IL4I1: variants seen among roughly 807,000 people sequenced by gnomAD.
IL4I1 encodes the protein L-amino-acid oxidase.
IL4I1 carries 24 observed loss-of-function variants against 29.7 expected under a neutral mutation model. The observed-to-expected ratio is 0.81, with a 90% CI of 0.59 to 1.14. The LOEUF is 1.14. Ranked by LOEUF, IL4I1 falls within the 50% of genes most tolerant of loss-of-function variation. The probability of loss-of-function intolerance (pLI) is 0.00; values close to 1 mark genes in which losing one functional copy is unlikely to be tolerated. For synonymous variants in IL4I1, 371 were observed against 352.5 expected (o/e 1.05, Z -0.59); for missense variants, 686 against 785.6 (o/e 0.87, Z 1.52).
intron 2 of IL4I1, among the ~76,000 whole-genome samples, chr19:49,912,580 A>G (rs2122636483): frequency 6.6e-6 from 1 of 151,408 alleles, no homozygotes; most frequent in East Asian, 2.0e-4. Flanking sequence ...CAGTTTAGAT[A>G]TGGCCAGGTG....
upstream of IL4I1, among the ~76,000 whole-genome samples, chr19:49,899,552 T>G (rs2075251801): frequency 6.7e-6 from 1 of 148,882 alleles, no homozygotes; most frequent in Admixed American, 6.6e-5. Context: ...ACCTGTTTTT[T>G]GTTTTTTTTG....
chr19:49,904,435 G>T (rs1248254704), intron 2 of IL4I1: 1 of 151,876 alleles, frequency 6.6e-6, no homozygotes, highest in African/African-American at 2.4e-5. Context: ...GAGGCCTGTT[G>T]GGACCATTTC....
chr19:49,910,714 G>C (rs1269878905), intron 2 of IL4I1, among the ~76,000 whole-genome samples: 1 of 148,382 alleles, frequency 6.7e-6, no homozygotes, highest in Non-Finnish European at 1.5e-5. Flanking sequence ...ACCAGAGATG[G>C]GTGGGGGTGG....
chr19:49,926,837 A>G (rs546145065), intron 2 of IL4I1, among the ~76,000 whole-genome samples: 2 of 148,634 alleles, frequency 1.3e-5, no homozygotes, highest in African/African-American at 5.0e-5. Flanking sequence ...TCCTTGTAAC[A>G]GCCCTAAGAA....
chr19:49,891,187 G>A, intron 6 of IL4I1, 80 bp from the exon 7 acceptor site: 3 of 1,557,694 alleles, frequency 1.9e-6, no homozygotes, highest in South Asian at 1.2e-5. Flanking sequence ...TGGGCCTCCT[G>A]GTCCCATGAC....
intron 3 of IL4I1, 32 bp downstream of exon 3, chr19:49,895,783 A>T: frequency 7.4e-7 from 1 of 1,359,184 alleles, no homozygotes; most frequent in Non-Finnish European, 9.9e-7. Context: ...AGCAGGAGGG[A>T]CTCCAGGTAG....
chr19:49,926,856 T>C (rs1308800467), intron 2 of IL4I1, among the ~76,000 whole-genome samples: 1 of 7,990 alleles, frequency 1.3e-4, no homozygotes. Flanking sequence ...AAGTAGGTAC[T>C]TTTTTTTTTT....
At chr19:49,894,777 G>A (rs2075183617) in intron 4 of IL4I1, among the ~76,000 whole-genome samples, 1 of 151,952 alleles carries the variant, frequency 6.6e-6, no homozygotes, top group Admixed American at 6.6e-5. Context: ...TGGGGCTGGG[G>A]TGCCTGAGGG....
chr19:49,921,631 G>A lies in IL4I1; in HGVS notation c.-228+6063C>T, dbSNP rs954030561. 9.2e-5 allele frequency among the ~76,000 whole-genome samples: 14 copies of A among 152,202 alleles called. No individual in the cohort carries two copies. The highest frequency in any genetic ancestry group is 2.0e-4 in the Admixed American group (3 of 15,290). ...GCATCAAACTGGGCTAAGGCCTGGC[G>A]CTCTGATGGCCGCTGACCTCAAAAC... On this transcript the variant is annotated intron_variant, in intron 2 of 9. Transcript: ENST00000341114. This position sits in a 1 kb window ranked among gnomAD's most constrained non-coding sequence, Gnocchi z 5.4.
chr19:49,924,323 C>CA (rs1181929018), intron 2 of IL4I1, among the ~76,000 whole-genome samples: 1 of 152,176 alleles, frequency 6.6e-6, no homozygotes, highest in Non-Finnish European at 1.5e-5. Context: ...CAGGGTCCTG[C>CA]ACGGGTGGCT....
chr19:49,907,241 C>T (rs180934958), intron 2 of IL4I1: 93 of 292,410 alleles, frequency 3.2e-4, no homozygotes, highest in African/African-American at 1.8e-3. Context: ...CAGGGTGCTA[C>T]GGGGACCTGC....
intron 2 of IL4I1, among the ~76,000 whole-genome samples, chr19:49,925,449 CA>C (rs56199048): frequency 0.55 from 73,164 of 132,772 alleles, 19,027 homozygotes; most frequent in East Asian, 0.79. Context: ...TAAAAAAAGC[CA>C]AAAAAAAAAA....
Position 49,889,816 on chromosome 19 carries a change from G to T in IL4I1, c.1558C>A (p.His520Asn), listed in dbSNP as rs755807839. 3 of 1,551,738 alleles carry T rather than the reference G, an allele frequency of 1.9e-6. No individual in the cohort carries two copies. The South Asian group carries it at 3.6e-5, about 19-fold the overall frequency. ...PASDTASPEGHASDMEGQGHV... is the reference protein window; with the variant it reads ...PASDTASPEGNASDMEGQGHV... ...CCCTGCCCCTCCATGTCAGATGCGT[G>T]CCCCTCGGGGCTGGCCGTGTCCGAT... The change falls in exon 8 of 8, where the codon CAC becomes AAC. Residue 520 changes from histidine to asparagine, a missense_variant. Physicochemically the swap from His to Asn is moderately conservative, Grantham distance 68. Coordinates refer to ENST00000391826, the MANE Select transcript of IL4I1 (RefSeq NM_152899.2).
intron 2 of IL4I1, among the ~76,000 whole-genome samples, chr19:49,920,452 C>T (rs1031610649): frequency 6.6e-6 from 1 of 152,172 alleles, no homozygotes; most frequent in African/African-American, 2.4e-5. Flanking sequence ...ACTCTGTCAA[C>T]GTACTAAAGC....
chr19:49,902,832 A>C (rs1450470053), intron 3 of IL4I1, among the ~76,000 whole-genome samples: 1 of 151,482 alleles, frequency 6.6e-6, no homozygotes, highest in Non-Finnish European at 1.5e-5. Flanking sequence ...CTCAAAAAAA[A>C]AAGGCCAGGT....
intron 2 of IL4I1, among the ~76,000 whole-genome samples, chr19:49,905,922 T>C (rs966204391): frequency 5.3e-5 from 8 of 151,842 alleles, no homozygotes; most frequent in African/African-American, 1.9e-4. Context: ...AAATAATGAC[T>C]CATGATCATG....
In IL4I1 at chr19:49,908,885, G is replaced by C. The variant is rs778588222; in HGVS notation, c.-227-4564C>G. The C allele has an allele frequency of 5.6e-6, 9 of 1,609,964 alleles. No individual in the cohort carries two copies. Among genetic ancestry groups the C allele is most frequent in the Non-Finnish European group, 4.2e-6 (5 of 1,179,306 alleles). On this transcript the variant is annotated intron_variant, in intron 2 of 9. Transcript: ENST00000341114. ...AGGGCCAGGTGGAGCGGTCACGGCA[G>C]CTGCTGTATTGCTGGGGATCCCGGC...
intron 3 of IL4I1, 117 bp downstream of exon 3, chr19:49,895,698 T>TGCCCCCCCCAACCCCCCCC: frequency 1.4e-6 from 1 of 705,418 alleles, no homozygotes; most frequent in Non-Finnish European, 2.4e-6. Context: ...AGATAGCCTC[T>TGCCCCCCCCAACCCCCCCC]CCCCCCACAT....
At chr19:49,925,201 C>T (rs930748094) in intron 2 of IL4I1, among the ~76,000 whole-genome samples, 2 of 151,976 alleles carry the variant, frequency 1.3e-5, no homozygotes, top group Non-Finnish European at 2.9e-5. Flanking sequence ...GCAGAGGTTG[C>T]GGTGAGCCGA....
Sources: gnomAD v4.1 joint callset for allele counts (sites outside exome capture counted in the v4.1 genomes callset) on GRCh38, gnomAD v4.1.1 for gene constraint, Gnocchi (gnomAD v3.1) non-coding constraint, MANE v1.5 for transcripts, NCBI Gene and HGNC (gene_info 2026-07-23, HGNC 2026-07-21) for gene names.